KANSL2: variants seen among roughly 807,000 people sequenced by gnomAD.
The protein encoded by KANSL2 is KAT8 regulatory NSL complex subunit 2.
Under a neutral mutation model 55.6 loss-of-function variants are expected in KANSL2, and 34 were observed. The observed-to-expected ratio is 0.61, with a 90% CI of 0.46 to 0.81. KANSL2 has a LOEUF of 0.81. Among genes scored for constraint, KANSL2 ranks in the 40% least tolerant of loss-of-function variants. The pLI, the probability that KANSL2 is intolerant of heterozygous loss-of-function variation, is 0.00. For missense variants in KANSL2, 502 were observed against 609.9 expected (o/e 0.82, Z 1.86); for synonymous variants, 209 against 214.3 (o/e 0.98, Z 0.22).
intron 7 of KANSL2, among the ~76,000 whole-genome samples, chr12:48,661,717 T>A (rs1939490940): frequency 6.6e-6 from 1 of 152,150 alleles, no homozygotes; most frequent in East Asian, 1.9e-4. Flanking sequence ...TACTTGGAAA[T>A]AACTAAACTC....
Position 48,679,686 on chromosome 12 carries a change from T to C in KANSL2, c.399A>G (p.Glu133=). ...AKTELGSQTP[E]SSRSEASRIL... ...TTCGGCTGGCTTCACTGCGACTACT[T>C]TCTGGAGTCTGAGACCCCAGCTCTG... The change falls in exon 3 of 10, where the codon GAA becomes GAG. Residue 133 remains glutamate (E), a synonymous_variant. Coordinates refer to ENST00000420613, the MANE Select transcript of KANSL2 (RefSeq NM_017822.4). The C allele has an allele frequency of 6.2e-7, 1 of 1,613,726 alleles. No homozygotes were observed. Among genetic ancestry groups the C allele is most frequent in the South Asian group, 1.1e-5 (1 of 90,962 alleles).
intron 2 of KANSL2, 54 bp downstream of exon 2, chr12:48,681,328 A>C: frequency 1.3e-6 from 2 of 1,540,910 alleles, no homozygotes; most frequent in South Asian, 2.5e-5. Context: ...CCCGCATCAT[A>C]TCACATACCC....
chr12:48,667,137 T>C (rs886150349), intron 7 of KANSL2, among the ~76,000 whole-genome samples: 1 of 150,928 alleles, frequency 6.6e-6, no homozygotes, highest in Non-Finnish European at 1.5e-5. Flanking sequence ...TGAGCCGAGA[T>C]CACGCCATTG....
intron 7 of KANSL2, among the ~76,000 whole-genome samples, chr12:48,665,956 T>C (rs1046694685): frequency 1.3e-5 from 2 of 152,120 alleles, no homozygotes; most frequent in Non-Finnish European, 2.9e-5. Flanking sequence ...CTCACAACTG[T>C]AATCCTAGCA....
chr12:48,672,614 A>G (rs1939747460), intron 4 of KANSL2, among the ~76,000 whole-genome samples: 1 of 151,314 alleles, frequency 6.6e-6, no homozygotes, highest in African/African-American at 2.4e-5. Context: ...TATTTTTTGT[A>G]GAGATGGGAT....
At chr12:48,682,011 C>A (rs1249962681) in intron 1 of KANSL2, 176 bp downstream of exon 1, 1 of 703,024 alleles carries the variant, frequency 1.4e-6, no homozygotes, top group East Asian at 2.7e-5. Context: ...GAAGCCTATG[C>A]GAGCGCCATT....
chr12:48,668,325 A>T (rs1246128374), intron 6 of KANSL2, among the ~76,000 whole-genome samples: 1 of 152,218 alleles, frequency 6.6e-6, no homozygotes, highest in Non-Finnish European at 1.5e-5. Context: ...ACTACTCAAT[A>T]TGCAGATGAG....
At chr12:48,680,979 C>G (rs10875859) in intron 2 of KANSL2, among the ~76,000 whole-genome samples, 5 of 151,100 alleles carry the variant, frequency 3.3e-5, no homozygotes, top group Admixed American at 1.3e-4. Flanking sequence ...GCCGCCCCCC[C>G]GCCAAAAAAT....
chr12:48,679,255 C>G, intron 3 of KANSL2, 105 bp from the exon 4 acceptor site: 1 of 753,258 alleles, frequency 1.3e-6, no homozygotes, highest in South Asian at 1.6e-5. Context: ...ATTTTAAAAA[C>G]AAAACAAAAA....
chr12:48,654,611 C>G (rs1939342398), intron 9 of KANSL2: 11 of 544,632 alleles, frequency 2.0e-5, no homozygotes, highest in South Asian at 1.1e-4. Context: ...TGAACTCTCC[C>G]TCAGAAGGTA....
At chr12:48,654,914 A>T (rs908868278) in intron 9 of KANSL2, 27 bp downstream of exon 9, 6 of 1,553,192 alleles carry the variant, frequency 3.9e-6, no homozygotes, top group Middle Eastern at 1.7e-4. Context: ...TACATGAGGG[A>T]AACAGGTGGG....
chr12:48,674,554 T>C (rs1939786262), intron 4 of KANSL2, among the ~76,000 whole-genome samples: 1 of 152,174 alleles, frequency 6.6e-6, no homozygotes, highest in African/African-American at 2.4e-5. Flanking sequence ...AATTTCTTCA[T>C]AAATATAAAC....
At chr12:48,671,658 AGC>A in intron 5 of KANSL2, 139 bp downstream of exon 5, 1 of 817,270 alleles carries the variant, frequency 1.2e-6, no homozygotes, top group Non-Finnish European at 2.0e-6. Context: ...CACCTACGTT[AGC>A]GTGAGTCACT....
chr12:48,667,962 AGAAT>A (rs1233261440), intron 6 of KANSL2, among the ~76,000 whole-genome samples, 173 bp from the exon 7 acceptor site: 1 of 152,126 alleles, frequency 6.6e-6, no homozygotes, highest in Non-Finnish European at 1.5e-5. Flanking sequence ...TAGTGCATAA[AGAAT>A]GAGTCAACCT....
At chr12:48,661,629 T>C (rs56827891) in intron 7 of KANSL2, among the ~76,000 whole-genome samples, 1,854 of 152,322 alleles carry the variant, frequency 0.012, 31 homozygotes, top group African/African-American at 0.043. Context: ...GTAATTTTTT[T>C]AAATAAAAAA....
intron 7 of KANSL2, chr12:48,662,669 TAAGG>T (rs1362397720): frequency 7.8e-7 from 1 of 1,285,388 alleles, no homozygotes; most frequent in Middle Eastern, 2.1e-4. Context: ...GATAAGGACT[TAAGG>T]AAGGGTAAGT....
chr12:48,671,742 C>T (rs1448228011), intron 5 of KANSL2, 57 bp downstream of exon 5: 21 of 1,522,856 alleles, frequency 1.4e-5, no homozygotes, highest in African/African-American at 5.5e-5. Flanking sequence ...CATGACTGTA[C>T]TACCAAATTC....
chr12:48,677,143 G>A (rs926346368), intron 4 of KANSL2, among the ~76,000 whole-genome samples: 9 of 152,248 alleles, frequency 5.9e-5, no homozygotes, highest in Admixed American at 1.3e-4. Context: ...GAAAATTAAC[G>A]AAAGCCTTAT....
intron 4 of KANSL2, among the ~76,000 whole-genome samples, chr12:48,674,901 G>C (rs1939792150): frequency 6.6e-6 from 1 of 150,430 alleles, no homozygotes. Flanking sequence ...GCTCCAGCCT[G>C]GGCGACAGAA....
Sources: allele counts gnomAD v4.1 joint callset (sites outside exome capture counted in the v4.1 genomes callset), GRCh38; gene constraint gnomAD v4.1.1; transcripts MANE v1.5; gene names NCBI Gene and HGNC (gene_info 2026-07-23, HGNC 2026-07-21).